KCNC2: variants seen among roughly 807,000 people sequenced by gnomAD.
KCNC2 encodes voltage-gated potassium channel KCNC2.
A neutral mutation model predicts 44.5 loss-of-function variants in KCNC2; 21 were observed. That is an observed-to-expected ratio of 0.47 (90% CI 0.33 to 0.68). The LOEUF (loss-of-function observed/expected upper bound fraction) is 0.68, where lower values mean the gene tolerates loss of function less well. KCNC2 is among the 30% of genes least tolerant of loss of function. The pLI is 0.01. For missense variants in KCNC2, 589 were observed against 826.2 expected (o/e 0.71, Z 3.52); for synonymous variants, 391 against 339.1 (o/e 1.15, Z -1.68).
chr12:75,089,059 C>G (rs562160854), intron 2 of KCNC2, among the ~76,000 whole-genome samples: 1 of 151,770 alleles, frequency 6.6e-6, no homozygotes, highest in Non-Finnish European at 1.5e-5. Flanking sequence ...GGAAGATTGA[C>G]TACAAATGTT....
chr12:75,191,168 T>A (rs1180563491), intron 2 of KCNC2, among the ~76,000 whole-genome samples: 1 of 151,974 alleles, frequency 6.6e-6, no homozygotes, highest in African/African-American at 2.4e-5. Flanking sequence ...AAGTAAGCTA[T>A]AAAATTACTT....
chr12:75,167,623 C>T lies in KCNC2; in HGVS notation c.687+39674G>A, dbSNP rs536947506. ...AATAAAGGCTAATAACCAGAGCTGACTTGGCAGGGAAGGCTTTCTTCCACC... is the reference window on the plus strand; with the variant it reads ...AATAAAGGCTAATAACCAGAGCTGATTTGGCAGGGAAGGCTTTCTTCCACC... On this transcript the variant is annotated intron_variant, in intron 2 of 4. Transcript: ENST00000549446. Among the ~76,000 whole-genome samples, 7 of 151,456 alleles carry T rather than the reference C, an allele frequency of 4.6e-5. No individual in the cohort carries two copies. In the South Asian group the frequency reaches 8.3e-4, roughly 18 times the overall value.
At chr12:75,170,705 C>G (rs1891755656) in intron 2 of KCNC2, among the ~76,000 whole-genome samples, 1 of 150,446 alleles carries the variant, frequency 6.6e-6, no homozygotes, top group Non-Finnish European at 1.5e-5. Context: ...AACTTTTTTT[C>G]TTTCCAGGAA....
At chr12:75,115,155 G>C (rs1360235145) in intron 2 of KCNC2, among the ~76,000 whole-genome samples, 3 of 152,198 alleles carry the variant, frequency 2.0e-5, no homozygotes, top group African/African-American at 7.2e-5. Context: ...GAGCCACCGC[G>C]CCCTGCCCAA....
rs1879978485 is a variant in KCNC2, at chr12:75,042,154, C to T, written c.*951G>A. On this transcript the variant is annotated 3_prime_UTR_variant, in exon 5 of 5. Coordinates refer to ENST00000549446, the MANE Select transcript of KCNC2 (RefSeq NM_139137.4). ...AGGGGGTAAAAAAAAGACACAAGAG[C>T]TTTGGGTGATATTTGGCACTCTGCC... 1 of 1,270,362 alleles carries T rather than the reference C, an allele frequency of 7.9e-7. No individual in the cohort carries two copies. Among genetic ancestry groups the T allele is most frequent in the Non-Finnish European group, 1.0e-6 (1 of 1,003,400 alleles). The allele number at this position is 1,270,362 out of a possible 1,614,324, so 78.7% of individuals were successfully genotyped here.
chr12:75,171,383 G>A (rs1470139094), intron 2 of KCNC2, among the ~76,000 whole-genome samples: 4 of 151,776 alleles, frequency 2.6e-5, no homozygotes, highest in African/African-American at 9.7e-5. Context: ...ACTAGGATTG[G>A]GAAACCTTGA....
chr12:75,042,810 T>G lies in KCNC2; in HGVS notation c.*295A>C, dbSNP rs772363721. 3.2e-5 allele frequency: 38 copies of G among 1,196,240 alleles called. No individual in the cohort carries two copies. Among genetic ancestry groups the G allele is most frequent in the Non-Finnish European group, 3.8e-5 (37 of 963,340 alleles). The allele number at this position is 1,196,240 out of a possible 1,614,324, so 74.1% of individuals were successfully genotyped here. On this transcript the variant is annotated 3_prime_UTR_variant, in exon 5 of 5. Coordinates refer to ENST00000549446, the MANE Select transcript of KCNC2 (RefSeq NM_139137.4). ...TTTTAAATATATCTCCCTGAAGGTA[T>G]GTTTATATATTAGTGCACTGGTCAA...
intron 2 of KCNC2, among the ~76,000 whole-genome samples, chr12:75,122,779 T>C (rs185998634): frequency 2.0e-5 from 3 of 152,202 alleles, no homozygotes; most frequent in Admixed American, 2.0e-4. Flanking sequence ...CATCAGATAC[T>C]AGTAAAAATC....
At chr12:75,194,953 C>G (rs2030633465) in intron 2 of KCNC2, among the ~76,000 whole-genome samples, 1 of 152,154 alleles carries the variant, frequency 6.6e-6, no homozygotes, top group East Asian at 1.9e-4. Context: ...TTTTCTTCCT[C>G]ACTACCTTTG....
intron 4 of KCNC2, chr12:75,043,607 C>A: frequency 1.6e-6 from 2 of 1,232,940 alleles, no homozygotes; most frequent in Middle Eastern, 3.0e-4. Context: ...AGAATGTATT[C>A]TTGAAAAAAA....
intron 2 of KCNC2, among the ~76,000 whole-genome samples, chr12:75,180,608 A>G (rs75341880): frequency 0.029 from 4,410 of 151,908 alleles, 207 homozygotes; most frequent in African/African-American, 0.1. Flanking sequence ...ATTTTGGTAG[A>G]TCAATATTTT....
At chr12:75,195,797 T>C (rs1250223699) in intron 2 of KCNC2, among the ~76,000 whole-genome samples, 5 of 152,130 alleles carry the variant, frequency 3.3e-5, no homozygotes, top group African/African-American at 1.2e-4. Flanking sequence ...GCCGCTGCTC[T>C]TAAAATCCTT....
chr12:75,164,678 T>C (rs1164181936), intron 2 of KCNC2, among the ~76,000 whole-genome samples: 1 of 151,652 alleles, frequency 6.6e-6, no homozygotes, highest in Non-Finnish European at 1.5e-5. Context: ...TTCCAGTCCC[T>C]GAAACACTAA....
chr12:75,186,779 CT>C (rs1892984906), intron 2 of KCNC2, among the ~76,000 whole-genome samples: 1 of 152,044 alleles, frequency 6.6e-6, no homozygotes, highest in African/African-American at 2.4e-5. Flanking sequence ...TTGTTGATAC[CT>C]TAGCACATTA....
At chr12:75,146,411 C>T (rs926992545) in intron 2 of KCNC2, among the ~76,000 whole-genome samples, 22 of 152,032 alleles carry the variant, frequency 1.4e-4, no homozygotes, top group Admixed American at 1.4e-3. Context: ...TCTGGCTGCT[C>T]ATTTGAATAT....
rs960812120 is a variant in KCNC2, at chr12:75,041,252, C to A, written c.*1853G>T. ...ACCAGACAGCATATTAATTCTTTTA[C>A]CATAAATTTGTGTGTAATTATAATG... is the stretch of plus-strand genomic sequence containing the variant. On this transcript the variant is annotated 3_prime_UTR_variant, in exon 5 of 5. Transcript: ENST00000549446. 6.3e-7 allele frequency: 1 copy of A among 1,586,326 alleles called. No individual in the cohort carries two copies. Among genetic ancestry groups the A allele is most frequent in the Non-Finnish European group, 8.5e-7 (1 of 1,172,836 alleles).
chr12:75,095,858 A>G (rs1425492382), intron 2 of KCNC2, among the ~76,000 whole-genome samples: 9 of 151,968 alleles, frequency 5.9e-5, no homozygotes, highest in Non-Finnish European at 1.2e-4. Context: ...CTTTCATACC[A>G]TAATTATAAT....
intron 2 of KCNC2, among the ~76,000 whole-genome samples, chr12:75,084,329 T>TAGAC (rs1884806243): frequency 2.0e-5 from 3 of 151,716 alleles, no homozygotes; most frequent in African/African-American, 7.3e-5. Context: ...GATAGATAGA[T>TAGAC]AGATATACTA....
At chr12:75,148,779 C>T (rs1374019887) in intron 2 of KCNC2, among the ~76,000 whole-genome samples, 4 of 151,824 alleles carry the variant, frequency 2.6e-5, no homozygotes, top group Non-Finnish European at 5.9e-5. Context: ...CTTCACATTA[C>T]CTAATATCTT....
Sources: allele counts gnomAD v4.1 joint callset (sites outside exome capture counted in the v4.1 genomes callset), GRCh38; gene constraint gnomAD v4.1.1; transcripts MANE v1.5; gene names NCBI Gene and HGNC (gene_info 2026-07-23, HGNC 2026-07-21).